The following TGM4 variants were observed in gnomAD, a reference collection of about 807,000 sequenced individuals.
The protein encoded by TGM4 is transglutaminase 4.
Under a neutral mutation model 76.3 loss-of-function variants are expected in TGM4, and 61 were observed. That is an observed-to-expected ratio of 0.80 (90% CI 0.65 to 0.99). The LOEUF (loss-of-function observed/expected upper bound fraction) is 0.99, where lower values mean the gene tolerates loss of function less well. Ranked by LOEUF, TGM4 falls within the 50% of genes least tolerant of loss-of-function variation. The probability of loss-of-function intolerance (pLI) is 0.00; values close to 1 mark genes in which losing one functional copy is unlikely to be tolerated. For missense variants in TGM4, 794 were observed against 843.2 expected (o/e 0.94, Z 0.72); for synonymous variants, 337 against 329.8 (o/e 1.02, Z -0.24).
At chr3:44,887,123 A>G (rs1699618557) in intron 2 of TGM4, among the ~76,000 whole-genome samples, 1 of 152,212 alleles carries the variant, frequency 6.6e-6, no homozygotes, top group Non-Finnish European at 1.5e-5. Flanking sequence ...CAGTCATGAC[A>G]GGGAGGAAAG....
intron 1 of TGM4, among the ~76,000 whole-genome samples, chr3:44,876,662 G>GA (rs1699455451): frequency 6.6e-6 from 1 of 152,116 alleles, no homozygotes; most frequent in Non-Finnish European, 1.5e-5. Flanking sequence ...AAGGCAATAT[G>GA]AAAAATAATC....
intron 1 of TGM4, among the ~76,000 whole-genome samples, chr3:44,875,099 G>A (rs6441869): frequency 0.78 from 119,216 of 152,112 alleles, 46,991 homozygotes; most frequent in East Asian, 1. Context: ...ATTTCCTAAA[G>A]ACAAGGACAT....
At chr3:44,901,225 G>T (rs1480926699) in intron 6 of TGM4, among the ~76,000 whole-genome samples, 1 of 152,224 alleles carries the variant, frequency 6.6e-6, no homozygotes, top group Non-Finnish European at 1.5e-5. Context: ...GGGCTACAGA[G>T]CAAGATCCTC....
In TGM4 at chr3:44,914,222, CCTCT is replaced by C. The variant is rs1457059741; in HGVS notation, c.*502_*505del. Reference sequence around the variant, plus strand: ...ATTCTCCTCCTATTGCCTCCATTCTCCTCTCTCTATCCCTGAAATCCAGGAAGTC... The same window carrying C: ...ATTCTCCTCCTATTGCCTCCATTCTCCTCTATCCCTGAAATCCAGGAAGTC... On this transcript the variant is annotated 3_prime_UTR_variant, in exon 14 of 14. Coordinates refer to ENST00000296125, the MANE Select transcript of TGM4 (RefSeq NM_003241.4). 6.5e-6 allele frequency: 1 copy of C among 154,460 alleles called. No homozygotes were observed. The highest frequency in any genetic ancestry group is 2.4e-5 in the African/African-American group (1 of 41,480). The allele number at this position is 154,460 out of a possible 1,614,324, so 9.6% of individuals were successfully genotyped here. A position where few individuals can be genotyped will look rare whatever the true frequency, so the allele number is the denominator to read the frequency against.
At chr3:44,909,089 T>C (rs186090471) in intron 10 of TGM4, among the ~76,000 whole-genome samples, 11 of 152,364 alleles carry the variant, frequency 7.2e-5, no homozygotes, top group Admixed American at 6.5e-5. Flanking sequence ...TGCTGAATGG[T>C]CAGCTAATGA....
At chr3:44,894,484 C>A (rs1021241781) in intron 5 of TGM4, among the ~76,000 whole-genome samples, 2 of 118,934 alleles carry the variant, frequency 1.7e-5, no homozygotes, top group East Asian at 3.0e-4. Flanking sequence ...AGCACTGTTA[C>A]AATTAGAATG....
chr3:44,890,251 C>T (rs145621432), intron 3 of TGM4: 445 of 202,324 alleles, frequency 2.2e-3, no homozygotes, highest in Non-Finnish European at 3.8e-3. Context: ...GCACCTTATG[C>T]GTACTTTATC....
chr3:44,903,575 T>C (rs1354768), intron 8 of TGM4: 164,165 of 357,680 alleles, frequency 0.46, 39,900 homozygotes, highest in East Asian at 0.8. Context: ...TTAGTTCTGC[T>C]TCGAGTTCAC....
chr3:44,880,896 A>G (rs978367959), intron 1 of TGM4, among the ~76,000 whole-genome samples: 1 of 152,244 alleles, frequency 6.6e-6, no homozygotes, highest in Non-Finnish European at 1.5e-5. Flanking sequence ...GGAATTGGTC[A>G]GGACAAAATC....
At chr3:44,900,928 C>T (rs912720903) in intron 6 of TGM4, 2 of 153,296 alleles carry the variant, frequency 1.3e-5, no homozygotes, top group Non-Finnish European at 2.9e-5. Context: ...ATAGGCTTAA[C>T]CCAGGTCATC....
chr3:44,906,826 T>A (rs2125759154), intron 9 of TGM4, 123 bp from the exon 10 acceptor site: 3 of 1,319,390 alleles, frequency 2.3e-6, no homozygotes, highest in East Asian at 4.6e-5. Flanking sequence ...AGTACCCAGA[T>A]GCTTCTTGGG....
intron 11 of TGM4, among the ~76,000 whole-genome samples, chr3:44,910,749 A>C (rs1013588892): frequency 6.6e-5 from 10 of 152,336 alleles, no homozygotes; most frequent in Admixed American, 3.9e-4. Context: ...AATGTCTGTC[A>C]TGGACTCAGG....
chr3:44,911,499 G>T, intron 13 of TGM4, 93 bp downstream of exon 13: 1 of 1,427,966 alleles, frequency 7.0e-7, no homozygotes, highest in Non-Finnish European at 9.5e-7. Context: ...CCCAGTATGG[G>T]GTCACAGGGT....
intron 3 of TGM4, chr3:44,888,083 A>G (rs1029094961): frequency 2.8e-6 from 1 of 362,638 alleles, no homozygotes; most frequent in African/African-American, 2.0e-5. Flanking sequence ...AGTACATAAA[A>G]ATAACCCATG....
At chr3:44,903,690 G>A in intron 8 of TGM4, 194 bp from the exon 9 acceptor site, 1 of 600,714 alleles carries the variant, frequency 1.7e-6, no homozygotes, top group Non-Finnish European at 3.0e-6. Context: ...TCTGTGCCCT[G>A]GGAGGCTTTC....
chr3:44,879,503 C>T (rs1407603108), intron 1 of TGM4, among the ~76,000 whole-genome samples: 1 of 142,324 alleles, frequency 7.0e-6, no homozygotes, highest in East Asian at 2.0e-4. Flanking sequence ...GACAGAGTCT[C>T]ACTCTGTCGC....
chr3:44,893,945 A>ATGGCTCTCTCCCC (rs1699740158), intron 5 of TGM4, among the ~76,000 whole-genome samples: 5 of 49,688 alleles, frequency 1.0e-4, no homozygotes, highest in African/African-American at 1.7e-4. Context: ...GCTCTCTCCC[A>ATGGCTCTCTCCCC]CCCCCCACAG....
At chr3:44,879,841 AGGCT>A (rs1051176661) in intron 1 of TGM4, among the ~76,000 whole-genome samples, 6 of 151,666 alleles carry the variant, frequency 4.0e-5, no homozygotes, top group African/African-American at 1.5e-4. Flanking sequence ...CCTGTCACCC[AGGCT>A]GTAGTGTAGT....
In TGM4 at chr3:44,896,212, A is replaced by G. The variant is rs575692779; in HGVS notation, c.550-497A>G. ...CTGCAACCTCCGCCTCCTGAGTTCA[A>G]GCGATTCTCCTGACTCAGCTTCCCG... On this transcript the variant is annotated intron_variant, in intron 5 of 13. Transcript: ENST00000296125. 1.3e-3 allele frequency among the ~76,000 whole-genome samples: 196 copies of G among 152,152 alleles called. 1 individual carries two copies. Among genetic ancestry groups the G allele is most frequent in the African/African-American group, 4.5e-3 (187 of 41,506 alleles).
Sources: allele counts gnomAD v4.1 joint callset (sites outside exome capture counted in the v4.1 genomes callset), GRCh38; gene constraint gnomAD v4.1.1; transcripts MANE v1.5; gene names NCBI Gene and HGNC (gene_info 2026-07-23, HGNC 2026-07-21).